NBEAL1: variants seen among roughly 807,000 people sequenced by gnomAD.
The protein encoded by NBEAL1 is neurobeachin like 1.
NBEAL1 carries 273 observed loss-of-function variants against 351.3 expected under a neutral mutation model. The ratio of observed to expected loss-of-function variants is 0.78; its 90% CI spans 0.70 to 0.86. The LOEUF (loss-of-function observed/expected upper bound fraction) is 0.86, where lower values mean the gene tolerates loss of function less well. Among genes scored for constraint, NBEAL1 ranks in the 40% least tolerant of loss-of-function variants. NBEAL1 has a pLI of 0.00. For synonymous variants in NBEAL1, 1,050 were observed against 1,086.4 expected (o/e 0.97, Z 0.66); for missense variants, 2,961 against 3,201.3 (o/e 0.92, Z 1.81).
At chr2:203,164,442 T>C (rs939567031) in intron 36 of NBEAL1, among the ~76,000 whole-genome samples, 1 of 152,102 alleles carries the variant, frequency 6.6e-6, no homozygotes, top group Non-Finnish European at 1.5e-5. Context: ...GGGATTTTTT[T>C]TTTCTTTCTT....
chr2:203,120,092 T>A (rs543590990), intron 18 of NBEAL1, among the ~76,000 whole-genome samples: 10 of 152,336 alleles, frequency 6.6e-5, no homozygotes, highest in East Asian at 3.9e-4. Context: ...ATAAATTTTT[T>A]AAAAAATAAG....
chr2:203,025,346 A>G (rs539565836), intron 2 of NBEAL1, among the ~76,000 whole-genome samples: 7 of 152,358 alleles, frequency 4.6e-5, no homozygotes, highest in African/African-American at 1.2e-4. Flanking sequence ...AAAAATTTCT[A>G]TATGGAGCTT....
rs1390845354 is a variant in NBEAL1 at position 203,099,611 on chromosome 2, C to T, written c.1186-18C>T. Reference sequence around the variant, plus strand: ...GAGCACATTTGTTAATTTCTTGTTTCCCCTTCCCCCTCAATAGGTGTTTCA... The same window carrying T: ...GAGCACATTTGTTAATTTCTTGTTTTCCCTTCCCCCTCAATAGGTGTTTCA... On this transcript the variant is annotated intron_variant, in intron 11 of 55. Coordinates refer to ENST00000683969, the MANE Select transcript of NBEAL1 (RefSeq NM_001378026.1). 1 of 1,494,578 alleles carries T rather than the reference C, an allele frequency of 6.7e-7. No homozygotes were observed. Among genetic ancestry groups the T allele is most frequent in the Non-Finnish European group, 9.0e-7 (1 of 1,111,134 alleles). 92.6% of individuals were successfully genotyped at this position (1,494,578 alleles called of 1,614,324 possible).
chr2:203,108,795 C>T (rs1052473055), intron 14 of NBEAL1, among the ~76,000 whole-genome samples: 11 of 151,334 alleles, frequency 7.3e-5, no homozygotes, highest in African/African-American at 2.7e-4. Context: ...ACTTGTAATC[C>T]CACCACTTTA....
intron 10 of NBEAL1, among the ~76,000 whole-genome samples, chr2:203,096,865 C>G (rs977952073): frequency 6.6e-6 from 1 of 152,176 alleles, no homozygotes; most frequent in African/African-American, 2.4e-5. Flanking sequence ...AACTATAGAA[C>G]CATACTGGGT....
At position 203,125,432 on chromosome 2, in the gene NBEAL1, T is replaced by G; in HGVS notation, c.2763T>G (p.Ile921Met). 1 of 1,547,860 alleles carries G rather than the reference T, an allele frequency of 6.5e-7. No homozygotes were observed. Among genetic ancestry groups the G allele is most frequent in the Non-Finnish European group, 8.7e-7 (1 of 1,145,288 alleles). ...EQISHFSEGQ[I>M]PEEKNESTVP... ...TCAGCCACTTTAGTGAAGGACAGATTCCTGAAGAAAAGAATGAAAGCACAG... is the reference window on the plus strand; with the variant it reads ...TCAGCCACTTTAGTGAAGGACAGATGCCTGAAGAAAAGAATGAAAGCACAG... Residue 921 changes from isoleucine (I) to methionine (M), a missense_variant, in exon 20 of 56, where the codon ATT becomes ATG. Transcript: ENST00000683969.
rs998105510 is a variant in NBEAL1, at chr2:203,014,924, A to C, written c.-288A>C. The C allele has an allele frequency of 3.3e-5, 5 of 152,110 alleles. No homozygotes were observed. The highest frequency in any genetic ancestry group is 1.2e-4 in the African/African-American group (5 of 41,416). 9.4% of individuals were successfully genotyped at this position (152,110 alleles called of 1,614,324 possible). On this transcript the variant is annotated 5_prime_UTR_variant, in exon 1 of 56. Coordinates refer to ENST00000683969, the MANE Select transcript of NBEAL1 (RefSeq NM_001378026.1). ...GGTGACACGGGGCTTCGCCTTGGGA[A>C]GGGGTCGAGGGAAGCAGTTAGACGG...
intron 31 of NBEAL1, 35 bp from the exon 32 acceptor site, chr2:203,144,565 G>A: frequency 1.9e-6 from 3 of 1,560,768 alleles, no homozygotes; most frequent in Non-Finnish European, 2.6e-6. Flanking sequence ...GTTTGCTTTA[G>A]TCTGCTCTTT....
At chr2:203,059,668 G>A (rs1184201026) in intron 6 of NBEAL1, among the ~76,000 whole-genome samples, 9 of 152,206 alleles carry the variant, frequency 5.9e-5, no homozygotes, top group African/African-American at 1.7e-4. Flanking sequence ...ATAGTTGTCA[G>A]TTAGTGCCGT....
chr2:203,116,180 A>T (rs1182665509), intron 18 of NBEAL1, 110 bp downstream of exon 18: 1 of 754,832 alleles, frequency 1.3e-6, no homozygotes, highest in East Asian at 2.8e-5. Context: ...AGGGGTTTGA[A>T]TTGCCATCAA....
At chr2:203,053,737 C>G (rs1183940817) in intron 4 of NBEAL1, among the ~76,000 whole-genome samples, 1 of 151,964 alleles carries the variant, frequency 6.6e-6, no homozygotes, top group African/African-American at 2.4e-5. Flanking sequence ...AGGCTGGTCT[C>G]TAACTCCTGG....
intron 10 of NBEAL1, among the ~76,000 whole-genome samples, chr2:203,094,588 T>C (rs551070756): frequency 6.6e-6 from 1 of 152,306 alleles, no homozygotes; most frequent in South Asian, 2.1e-4. Flanking sequence ...TGTATGAGAT[T>C]CGTCAGCCTA....
At chr2:203,171,145 C>T (rs1250414414) in intron 39 of NBEAL1, among the ~76,000 whole-genome samples, 2 of 151,930 alleles carry the variant, frequency 1.3e-5, no homozygotes, top group East Asian at 1.9e-4. Flanking sequence ...GTAATCCCAG[C>T]GACTCAGGAG....
At chr2:203,193,645 G>A (rs2065157254) in intron 46 of NBEAL1, 150 bp from the exon 47 acceptor site, 2 of 449,566 alleles carry the variant, frequency 4.4e-6, no homozygotes, top group Non-Finnish European at 7.8e-6. Context: ...TAGTATCTCT[G>A]CTAAGAGAAT....
chr2:203,145,662 G>A (rs1189646525), intron 33 of NBEAL1, among the ~76,000 whole-genome samples: 1 of 152,066 alleles, frequency 6.6e-6, no homozygotes, highest in East Asian at 1.9e-4. Flanking sequence ...GCTGGGCATG[G>A]TAGCATGTGC....
intron 4 of NBEAL1, among the ~76,000 whole-genome samples, chr2:203,055,849 G>A (rs958060307): frequency 3.3e-5 from 5 of 152,160 alleles, no homozygotes; most frequent in Admixed American, 3.3e-4. Context: ...AAGCACTTAT[G>A]AACCCACTGC....
rs868325176 is a variant in NBEAL1, at chr2:203,157,089, A to T, written c.5588-610A>T. On this transcript the variant is annotated intron_variant, in intron 35 of 55. Coordinates refer to ENST00000683969, the MANE Select transcript of NBEAL1 (RefSeq NM_001378026.1). ...GGGTCATTGGCTTAATAACTGGCAAAACTAAATTTGAGTCTAGGTTCACCA... is the reference window on the plus strand; with the variant it reads ...GGGTCATTGGCTTAATAACTGGCAATACTAAATTTGAGTCTAGGTTCACCA... Among the ~76,000 whole-genome samples, 3 of 152,160 alleles carry T rather than the reference A, an allele frequency of 2.0e-5. No individual in the cohort carries two copies. In the South Asian group the frequency reaches 6.2e-4, roughly 32 times the overall value.
intron 32 of NBEAL1, 50 bp downstream of exon 32, chr2:203,144,955 TA>T (rs754407636): frequency 6.6e-7 from 1 of 1,514,862 alleles, no homozygotes; most frequent in South Asian, 1.3e-5. Flanking sequence ...TTACCATTTT[TA>T]TAGAGGTGAA....
chr2:203,099,652 T>G lies in NBEAL1; in HGVS notation c.1209T>G (p.Cys403Trp). Residue 403 changes from cysteine to tryptophan, a missense_variant, in exon 12 of 56, where the codon TGT becomes TGG. Transcript: ENST00000683969. ...AGGTGTTTCAGGGACAATTGGATTG[T>G]TTGGCCATATCAACCATTCAGGCTT... The part of the protein sequence containing the change: ...EDQVFQGQLD[C>W]LAISTIQALT... The G allele has an allele frequency of 6.4e-7, 1 of 1,551,838 alleles. No individual in the cohort carries two copies.
Sources: gnomAD v4.1 joint callset for allele counts (sites outside exome capture counted in the v4.1 genomes callset) on GRCh38, gnomAD v4.1.1 for gene constraint, MANE v1.5 for transcripts, NCBI Gene and HGNC (gene_info 2026-07-23, HGNC 2026-07-21) for gene names.